The following URM1 variants were observed in gnomAD, a reference collection of about 807,000 sequenced individuals.
URM1 encodes ubiquitin related modifier 1, also known as ubiquitin-related modifier 1.
Under a neutral mutation model 17.7 loss-of-function variants are expected in URM1, and 11 were observed. The observed-to-expected ratio is 0.62, with a 90% CI of 0.39 to 1.03. URM1 has a LOEUF of 1.03. Among genes scored for constraint, URM1 ranks in the 50% least tolerant of loss-of-function variants. The probability of loss-of-function intolerance (pLI) is 0.00; values close to 1 mark genes in which losing one functional copy is unlikely to be tolerated. For missense variants in URM1, 128 were observed against 129.2 expected, an observed-to-expected ratio of 0.99 and a Z score of 0.04; for synonymous variants, 48 against 50.6, an observed-to-expected ratio of 0.95 and a Z score of 0.22.
chr9:128,388,641 T>A, intron 3 of URM1: 1 of 986,412 alleles, frequency 1.0e-6, no homozygotes, highest in Non-Finnish European at 1.2e-6. Context: ...CCAGCAGTGC[T>A]CCTTGGGCCA....
chr9:128,378,752 C>A (rs1050628925), intron 2 of URM1, among the ~76,000 whole-genome samples: 14 of 150,734 alleles, frequency 9.3e-5, no homozygotes, highest in African/African-American at 3.2e-4. Flanking sequence ...ACCAGGAGTT[C>A]TAGACCAACA....
In URM1 at chr9:128,387,968, T is replaced by C; in HGVS notation, c.188+71T>C. On this transcript the variant is annotated intron_variant, in intron 3 of 4. Transcript: ENST00000372853. This position sits in a 1 kb window ranked among gnomAD's most constrained non-coding sequence, Gnocchi z 4.3. ...GGATATTTGAGCCCCCACCCTCGGG[T>C]TCAGTCCTGGCCTTCTCTGAATCCG... The C allele has an allele frequency of 1.2e-6, 2 of 1,603,076 alleles. No individual in the cohort carries two copies. Among genetic ancestry groups the C allele is most frequent in the Non-Finnish European group, 8.5e-7 (1 of 1,175,028 alleles).
chr9:128,378,396 G>A (rs780632390), intron 2 of URM1, among the ~76,000 whole-genome samples: 1 of 151,746 alleles, frequency 6.6e-6, no homozygotes, highest in Non-Finnish European at 1.5e-5. Flanking sequence ...AATTAGCTGG[G>A]CATGGTGGCG....
chr9:128,380,888 G>C (rs964992126), intron 2 of URM1, among the ~76,000 whole-genome samples: 1 of 151,976 alleles, frequency 6.6e-6, no homozygotes, highest in Non-Finnish European at 1.5e-5. Context: ...GCAGTGGCGC[G>C]ATCTTGGCTG....
Position 128,387,934 on chromosome 9 carries a change from G to A in URM1, c.188+37G>A. The A allele has an allele frequency of 6.2e-7, 1 of 1,612,952 alleles. No individual in the cohort carries two copies. The highest frequency in any genetic ancestry group is 1.1e-5 in the South Asian group (1 of 91,044). ...TCCTCCCTTCCCTGAAGCAGGTGGA[G>A]GGAGGGACGGATATTTGAGCCCCCA... On this transcript the variant is annotated intron_variant, in intron 3 of 4. Transcript: ENST00000372853. The surrounding 1 kb of genome is among the most constrained non-coding windows in gnomAD (Gnocchi z 4.3).
intron 2 of URM1, 78 bp downstream of exon 2, chr9:128,378,184 C>A: frequency 9.7e-7 from 1 of 1,027,820 alleles, no homozygotes; most frequent in Non-Finnish European, 1.5e-6. Flanking sequence ...CAGCCCCGTT[C>A]AGGCCTGTGT....
intron 1 of URM1, among the ~76,000 whole-genome samples, chr9:128,375,868 A>C (rs576792832): frequency 1.3e-5 from 2 of 152,008 alleles, no homozygotes; most frequent in African/African-American, 4.8e-5. Context: ...CTGGCCCCCA[A>C]AGTATTTTAA....
chr9:128,376,237 C>T (rs1053180976), intron 1 of URM1, among the ~76,000 whole-genome samples: 1 of 151,938 alleles, frequency 6.6e-6, no homozygotes, highest in Non-Finnish European at 1.5e-5. Context: ...GTGACACGTG[C>T]CTGTGGTCCC....
At chr9:128,378,349 C>G (rs912881157) in intron 2 of URM1, among the ~76,000 whole-genome samples, 2 of 151,616 alleles carry the variant, frequency 1.3e-5, no homozygotes, top group Non-Finnish European at 2.9e-5. Flanking sequence ...CCAGCCTGGC[C>G]AACATGGTGA....
chr9:128,382,453 G>A (rs921637929), intron 2 of URM1, among the ~76,000 whole-genome samples: 1 of 152,136 alleles, frequency 6.6e-6, no homozygotes, highest in African/African-American at 2.4e-5. Flanking sequence ...GCGAGTCTTG[G>A]AGGTTCCAGC....
chr9:128,376,261 C>T (rs1221876401), intron 1 of URM1, among the ~76,000 whole-genome samples: 2 of 151,454 alleles, frequency 1.3e-5, no homozygotes, highest in Non-Finnish European at 2.9e-5. Flanking sequence ...TACCTGGGGG[C>T]TGATGTGGGA....
chr9:128,384,577 AC>A (rs973211612), intron 2 of URM1, among the ~76,000 whole-genome samples: 20 of 152,230 alleles, frequency 1.3e-4, no homozygotes, highest in Non-Finnish European at 2.5e-4. Context: ...GGTTGGCTCT[AC>A]CTTGCCCTCT....
intron 1 of URM1, among the ~76,000 whole-genome samples, chr9:128,376,455 C>T (rs1461783536): frequency 1.3e-5 from 2 of 150,684 alleles, no homozygotes; most frequent in African/African-American, 4.9e-5. Context: ...GTCAGGAGTT[C>T]AAGACCAGCC....
At chr9:128,376,839 AG>A (rs1833084886) in intron 1 of URM1, among the ~76,000 whole-genome samples, 1 of 152,052 alleles carries the variant, frequency 6.6e-6, no homozygotes, top group Non-Finnish European at 1.5e-5. Context: ...GTACAAAATT[AG>A]CTGAGTGTGA....
At chr9:128,376,607 G>C (rs879863851) in intron 1 of URM1, among the ~76,000 whole-genome samples, 3 of 152,060 alleles carry the variant, frequency 2.0e-5, no homozygotes, top group Non-Finnish European at 2.9e-5. Flanking sequence ...GTTGCAGTGA[G>C]CCAAGATCGC....
At chr9:128,376,134 A>G (rs1223095148) in intron 1 of URM1, among the ~76,000 whole-genome samples, 1 of 151,740 alleles carries the variant, frequency 6.6e-6, no homozygotes, top group Non-Finnish European at 1.5e-5. Flanking sequence ...GCACTTTGGG[A>G]GGATTGCTTG....
At chr9:128,375,445 C>T (rs1046892991) in intron 1 of URM1, among the ~76,000 whole-genome samples, 7 of 152,072 alleles carry the variant, frequency 4.6e-5, no homozygotes, top group African/African-American at 1.7e-4. Flanking sequence ...GCATGGTGGC[C>T]CACACCTATA....
intron 1 of URM1, among the ~76,000 whole-genome samples, chr9:128,375,286 C>T (rs1255201918): frequency 6.6e-6 from 1 of 152,192 alleles, no homozygotes; most frequent in Non-Finnish European, 1.5e-5. Context: ...CCCACCAGGT[C>T]AGCAGCAGGT....
intron 3 of URM1, chr9:128,388,574 A>AG: frequency 1.0e-6 from 1 of 986,292 alleles, no homozygotes; most frequent in Non-Finnish European, 1.2e-6. Context: ...GATCAGGCCT[A>AG]GGGGATCAGC....
Sources: allele counts gnomAD v4.1 joint callset (sites outside exome capture counted in the v4.1 genomes callset), GRCh38; gene constraint gnomAD v4.1.1; non-coding constraint Gnocchi (gnomAD v3.1); transcripts MANE v1.5; gene names NCBI Gene and HGNC (gene_info 2026-07-23, HGNC 2026-07-21).